TET3: variants seen among roughly 807,000 people sequenced by gnomAD.
TET3 encodes methylcytosine dioxygenase TET3.
In TET3, 19 loss-of-function variants were observed where a neutral mutation model predicts 141.4. The observed-to-expected ratio is 0.13, with a 90% CI of 0.09 to 0.20. The LOEUF is 0.20. TET3 is among the 10% of genes least tolerant of loss of function. The probability of loss-of-function intolerance (pLI) is 1.00; values close to 1 mark genes in which losing one functional copy is unlikely to be tolerated. For missense variants in TET3, 1,874 were observed against 2,356.9 expected, an observed-to-expected ratio of 0.80 and a Z score of 4.24; for synonymous variants, 1,043 against 980.9, an observed-to-expected ratio of 1.06 and a Z score of -1.18.
chr2:74,100,945 CCCAGAGCT>C lies in TET3; in HGVS notation c.4161_4168del (p.Ser1388LeufsTer18). 6.2e-7 allele frequency: 1 copy of C among 1,610,914 alleles called. No individual in the cohort carries two copies. Among genetic ancestry groups the C allele is most frequent in the Non-Finnish European group, 8.5e-7 (1 of 1,178,734 alleles). On this transcript the variant is annotated frameshift_variant, in exon 12 of 12. Coordinates refer to ENST00000409262, the MANE Select transcript of TET3 (RefSeq NM_001287491.2). LOFTEE classifies it high-confidence loss of function. ...GTGTCCAGGGACCCCTCCCCCTTTG[CCCAGAGCT>C]CCAACTGCTACAACAGATCCATCAA...
At chr2:74,025,938 CA>C (rs201803252) in intron 3 of TET3, among the ~76,000 whole-genome samples, 5 of 148,790 alleles carry the variant, frequency 3.4e-5, no homozygotes, top group African/African-American at 1.2e-4. Context: ...ACCTCATCTC[CA>C]AAAAAAAATA....
At chr2:74,017,698 T>C (rs552549474) in intron 3 of TET3, among the ~76,000 whole-genome samples, 1 of 152,230 alleles carries the variant, frequency 6.6e-6, no homozygotes, top group Non-Finnish European at 1.5e-5. Flanking sequence ...GCAGTAAACA[T>C]GGGAGTACAG....
At chr2:74,063,818 G>A (rs955029303) in intron 4 of TET3, among the ~76,000 whole-genome samples, 1 of 151,760 alleles carries the variant, frequency 6.6e-6, no homozygotes, top group Admixed American at 6.6e-5. Context: ...CAGCACTTTG[G>A]GAGGCCGAAG....
Position 74,071,104 on chromosome 2 carries a change from GT to G in TET3, c.2495-2444del, listed in dbSNP as rs531122093. On this transcript the variant is annotated intron_variant, in intron 4 of 11. Coordinates refer to ENST00000409262, the MANE Select transcript of TET3 (RefSeq NM_001287491.2). ...TCTGTCGAGGGCCCTCTCTTAGCTT[GT>G]AGACAGCCACCTCCTCGCTATATCT... Among the ~76,000 whole-genome samples, 13 of 152,322 alleles carry G rather than the reference GT, an allele frequency of 8.5e-5. No individual in the cohort carries two copies. In the South Asian group the frequency reaches 2.3e-3, roughly 27 times the overall value.
the TET3 span, chr2:74,134,683 G>C: frequency 2.2e-6 from 1 of 456,688 alleles, no homozygotes; most frequent in Non-Finnish European, 4.4e-6. Flanking sequence ...GCAGTCACAA[G>C]ATGTCTGAGA....
intron 3 of TET3, among the ~76,000 whole-genome samples, chr2:74,005,667 C>G (rs1450371629): frequency 6.6e-6 from 1 of 152,158 alleles, no homozygotes; most frequent in East Asian, 1.9e-4. Context: ...GAGGAAGCCC[C>G]ATGGGAGAAT....
At position 74,101,083 on chromosome 2, in the gene TET3, G is replaced by A. The variant is rs1333558899; in HGVS notation, c.4295G>A (p.Ser1432Asn). ...GAGGTGTCTCAGAATGGAGGACCCAGTCACCTTTGGGGACAGTACTCAGGA... is the reference window on the plus strand; with the variant it reads ...GAGGTGTCTCAGAATGGAGGACCCAATCACCTTTGGGGACAGTACTCAGGA... The part of the protein sequence containing the change: ...LSEVSQNGGP[S>N]HLWGQYSGGP... The change falls in exon 12 of 12, where the codon AGT becomes AAT. Residue 1432 changes from serine (S) to asparagine (N), a missense_variant. By Grantham distance (46) the Ser-to-Asn change is conservative. Around this residue, in one of 10 missense-constraint regions of TET3, gnomAD observed 602 missense variants for 590.2 expected, o/e 1.02. Transcript: ENST00000409262. The surrounding 1 kb of genome is among the most constrained non-coding windows in gnomAD (Gnocchi z 8.5). 6.2e-7 allele frequency: 1 copy of A among 1,612,752 alleles called. No homozygotes were observed. The highest frequency in any genetic ancestry group is 1.1e-5 in the South Asian group (1 of 90,906).
chr2:74,082,366 C>T (rs1689881512), intron 6 of TET3, among the ~76,000 whole-genome samples: 1 of 152,114 alleles, frequency 6.6e-6, no homozygotes, highest in African/African-American at 2.4e-5. Flanking sequence ...ACTTTGTCCT[C>T]AGTATGCCAT....
intron 2 of TET3, among the ~76,000 whole-genome samples, chr2:73,996,328 T>G (rs1452941582): frequency 6.6e-6 from 1 of 152,112 alleles, no homozygotes; most frequent in Admixed American, 6.5e-5. Flanking sequence ...ATCTTCTTTT[T>G]TAGCCCTGCT....
At chr2:73,987,130 A>G (rs1341590325) in intron 2 of TET3, among the ~76,000 whole-genome samples, 1 of 152,186 alleles carries the variant, frequency 6.6e-6, no homozygotes, top group Non-Finnish European at 1.5e-5. Flanking sequence ...TGGTTTTATG[A>G]TGCCCTGATG....
chr2:73,997,904 C>T (rs187602455), intron 2 of TET3, among the ~76,000 whole-genome samples: 100 of 152,270 alleles, frequency 6.6e-4, no homozygotes, highest in African/African-American at 2.3e-3. Context: ...GCCTTGAGGG[C>T]AGAGACTGGC....
At chr2:74,048,469 G>T in intron 4 of TET3, 58 bp downstream of exon 4, 1 of 1,502,624 alleles carries the variant, frequency 6.7e-7, no homozygotes, top group South Asian at 1.3e-5. Flanking sequence ...TGGTGAGCTA[G>T]GATTTCTAGG....
intron 4 of TET3, among the ~76,000 whole-genome samples, chr2:74,072,839 C>G (rs1689286546): frequency 6.6e-6 from 1 of 152,168 alleles, no homozygotes. Context: ...TCAGGGAAAT[C>G]CTACAGTATT....
chr2:74,119,177 A>G, the TET3 span, among the ~76,000 whole-genome samples: 1 of 152,042 alleles, frequency 6.6e-6, no homozygotes, highest in Non-Finnish European at 1.5e-5. Context: ...ACATAGTGAA[A>G]CCCTGGCTCT....
Position 74,093,375 on chromosome 2 carries a change from G to A in TET3, c.3130-154G>A, listed in dbSNP as rs1161730011. Among the ~76,000 whole-genome samples the A allele has an allele frequency of 6.6e-6, 1 of 152,046 alleles. No homozygotes were observed. The highest frequency in any genetic ancestry group is 2.4e-5 in the African/African-American group (1 of 41,394). On this transcript the variant is annotated intron_variant, in intron 9 of 11. Coordinates refer to ENST00000409262, the MANE Select transcript of TET3 (RefSeq NM_001287491.2). This position sits in a 1 kb window ranked among gnomAD's most constrained non-coding sequence, Gnocchi z 4.2. ...CTGAAAGTAACTTTTTTGTAGCTGG[G>A]GCCTCTCAGCCAGAAAACCTCCCTC...
Position 74,093,664 on chromosome 2 carries a change from G to C in TET3, c.3265G>C (p.Val1089Leu), listed in dbSNP as rs1174857008. The C allele has an allele frequency of 6.2e-7, 1 of 1,604,344 alleles. No homozygotes were observed. Among genetic ancestry groups the C allele is most frequent in the Admixed American group, 1.7e-5 (1 of 59,412 alleles). Residue 1089 changes from valine (V) to leucine (L), a missense_variant and splice_region_variant, in exon 10 of 12, where the codon GTG becomes CTG. Val to Leu is a conservative substitution (Grantham distance 32). Coordinates refer to ENST00000409262, the MANE Select transcript of TET3 (RefSeq NM_001287491.2). This position sits in a 1 kb window ranked among gnomAD's most constrained non-coding sequence, Gnocchi z 4.2. ...GCATAACCTCTACAATGGGTGCACC[G>C]TGGTAAGCCTGTGCCCTGTCATAGC... The part of the protein sequence containing the change: ...DQHNLYNGCT[V>L]VCTLTKEDNR...
At chr2:74,020,944 C>T (rs922318159) in intron 3 of TET3, among the ~76,000 whole-genome samples, 1 of 152,204 alleles carries the variant, frequency 6.6e-6, no homozygotes, top group Non-Finnish European at 1.5e-5. Flanking sequence ...CCCTCCCCTT[C>T]CCACTCACTC....
At chr2:74,073,716 T>G (rs1025047294) in intron 5 of TET3, 77 bp downstream of exon 5, 3 of 1,266,820 alleles carry the variant, frequency 2.4e-6, no homozygotes, top group Admixed American at 4.9e-5. Context: ...CTCTCATTTT[T>G]CTTTGCCTTG....
At chr2:73,984,533 G>A (rs1279766775), upstream of TET3, among the ~76,000 whole-genome samples, 1 of 152,170 alleles carries the variant, frequency 6.6e-6, no homozygotes, top group African/African-American at 2.4e-5. This position sits in a 1 kb window ranked among gnomAD's most constrained non-coding sequence, Gnocchi z 5.6. Flanking sequence ...GGAGTGGCAG[G>A]AAGTGGGGAC....
Sources: allele counts gnomAD v4.1 joint callset (sites outside exome capture counted in the v4.1 genomes callset), GRCh38; gene constraint gnomAD v4.1.1; regional missense constraint gnomAD v4.1.1; non-coding constraint Gnocchi (gnomAD v3.1); transcripts MANE v1.5; gene names NCBI Gene and HGNC (gene_info 2026-07-23, HGNC 2026-07-21).